Variants in PACSIN2 observed in about 807,000 individuals in gnomAD.
PACSIN2 encodes protein kinase C and casein kinase substrate in neurons 2.
In PACSIN2, 25 loss-of-function variants were observed where a neutral mutation model predicts 63.8. That is an observed-to-expected ratio of 0.39 (90% CI 0.29 to 0.55). The LOEUF (loss-of-function observed/expected upper bound fraction) is 0.55. Ranked by LOEUF, PACSIN2 falls within the 20% of genes least tolerant of loss-of-function variation. The pLI is 0.62. For missense variants in PACSIN2, 518 were observed against 646.9 expected (o/e 0.80, Z 2.16); for synonymous variants, 255 against 256.2 (o/e 1.00, Z 0.05).
At chr22:42,910,858 A>G (rs1169209669) in intron 2 of PACSIN2, among the ~76,000 whole-genome samples, 1 of 151,680 alleles carries the variant, frequency 6.6e-6, no homozygotes, top group African/African-American at 2.4e-5. Context: ...GCAGGAACTC[A>G]GTCTGTCACA....
At chr22:42,999,399 G>C (rs1446606651) in intron 1 of PACSIN2, among the ~76,000 whole-genome samples, 2 of 152,230 alleles carry the variant, frequency 1.3e-5, no homozygotes, top group Non-Finnish European at 2.9e-5. Flanking sequence ...GCCAGGCGTG[G>C]TGGCTCATGC....
chr22:42,987,496 A>ACACG (rs1569355141), intron 1 of PACSIN2, among the ~76,000 whole-genome samples: 5 of 35,294 alleles, frequency 1.4e-4, no homozygotes, highest in African/African-American at 7.5e-4. Flanking sequence ...ACACACACCC[A>ACACG]TGGCACCATG....
At chr22:42,989,254 T>C (rs1216761576) in intron 1 of PACSIN2, among the ~76,000 whole-genome samples, 1 of 152,040 alleles carries the variant, frequency 6.6e-6, no homozygotes, top group African/African-American at 2.4e-5. Context: ...ACCCAGCACT[T>C]TGGGAGGCGA....
At chr22:42,931,390 A>G (rs1932774452) in intron 1 of PACSIN2, among the ~76,000 whole-genome samples, 1 of 152,226 alleles carries the variant, frequency 6.6e-6, no homozygotes, top group South Asian at 2.1e-4. Flanking sequence ...CAGGGAAGTG[A>G]GGAAATGGCT....
intron 7 of PACSIN2, among the ~76,000 whole-genome samples, chr22:42,880,024 A>C (rs4820492): frequency 0.43 from 65,880 of 152,028 alleles, 14,823 homozygotes; most frequent in Non-Finnish European, 0.48. Flanking sequence ...ATGAATGGAG[A>C]CTGTGTCTTG....
chr22:42,929,274 G>A lies in PACSIN2; in HGVS notation c.-77-17117C>T, dbSNP rs183760904. 5.3e-5 allele frequency among the ~76,000 whole-genome samples: 8 copies of A among 152,370 alleles called. No individual in the cohort carries two copies. The East Asian group carries it at 1.5e-3, about 29-fold the overall frequency. ...CCACATCACATAAATTACTTACAAT[G>A]TTGGTAACACAAGGTCTCATCTATG... On this transcript the variant is annotated intron_variant, in intron 1 of 10. Coordinates refer to ENST00000263246, the MANE Select transcript of PACSIN2 (RefSeq NM_001184970.3).
chr22:42,925,251 T>C (rs573818436), intron 1 of PACSIN2, among the ~76,000 whole-genome samples: 82 of 152,062 alleles, frequency 5.4e-4, no homozygotes, highest in South Asian at 5.2e-3. Context: ...CGGCCGAGGC[T>C]GGCGGATCAC....
intron 2 of PACSIN2, among the ~76,000 whole-genome samples, chr22:42,896,558 G>A (rs903964667): frequency 3.3e-5 from 5 of 152,194 alleles, no homozygotes; most frequent in Non-Finnish European, 7.3e-5. Flanking sequence ...GTCATTTTCA[G>A]TTTGGGGGAA....
intron 2 of PACSIN2, among the ~76,000 whole-genome samples, chr22:42,903,538 C>T (rs886615354): frequency 3.9e-5 from 6 of 152,156 alleles, no homozygotes; most frequent in East Asian, 1.9e-4. Flanking sequence ...GGATTCCACT[C>T]GTCCTGGTCC....
chr22:42,916,183 C>G (rs953429688), intron 1 of PACSIN2, among the ~76,000 whole-genome samples: 4 of 152,136 alleles, frequency 2.6e-5, no homozygotes, highest in Admixed American at 2.0e-4. Context: ...GGTCACAGGC[C>G]GTGGCACGGC....
rs186192449 is a variant in PACSIN2, at chr22:42,888,496, G to C, written c.609+147C>G. The C allele has an allele frequency of 3.0e-5, 22 of 736,524 alleles. No individual in the cohort carries two copies. In the East Asian group the frequency reaches 6.0e-4, roughly 20 times the overall value. 45.6% of individuals were successfully genotyped at this position (736,524 alleles called of 1,614,324 possible). On this transcript the variant is annotated intron_variant, in intron 5 of 10. Transcript: ENST00000263246. ...GCGAGGTGCTAGGGCACTCACCTGT[G>C]GCCTTCTTGAGGACAGGGGTGTGTT...
At chr22:42,913,480 CAAAAAAAAAAAAA>C (rs138842796) in intron 1 of PACSIN2, among the ~76,000 whole-genome samples, 2 of 93,152 alleles carry the variant, frequency 2.1e-5, no homozygotes, top group African/African-American at 7.9e-5. Flanking sequence ...ACTCCGTCTC[CAAAAAAAAAAAAA>C]AAAAAAAAAA....
chr22:42,881,770 C>T (rs1216496403), intron 7 of PACSIN2, among the ~76,000 whole-genome samples: 5 of 152,110 alleles, frequency 3.3e-5, no homozygotes, highest in Non-Finnish European at 7.4e-5. Flanking sequence ...GAGGGCTGCC[C>T]ACTGAGACCA....
chr22:42,879,475 C>T (rs1369005891), intron 7 of PACSIN2, among the ~76,000 whole-genome samples: 25 of 152,184 alleles, frequency 1.6e-4, no homozygotes, highest in Admixed American at 1.6e-3. Context: ...GCGGGGGTGG[C>T]GAGGACCAGG....
chr22:42,969,400 T>C (rs1334923410), intron 1 of PACSIN2, among the ~76,000 whole-genome samples: 2 of 152,208 alleles, frequency 1.3e-5, no homozygotes, highest in East Asian at 3.8e-4. Context: ...CCCTGAAAGA[T>C]GTTAAGGAAT....
chr22:42,926,534 CGA>C (rs1932545735), intron 1 of PACSIN2, among the ~76,000 whole-genome samples: 2 of 152,132 alleles, frequency 1.3e-5, no homozygotes, highest in African/African-American at 4.8e-5. Flanking sequence ...AGGAACTCCA[CGA>C]GGACACAGAA....
At chr22:42,973,871 G>A (rs1418778157) in intron 1 of PACSIN2, among the ~76,000 whole-genome samples, 2 of 152,258 alleles carry the variant, frequency 1.3e-5, no homozygotes, top group African/African-American at 4.8e-5. Context: ...AAAAGCCCAC[G>A]AGAGAAATGG....
intron 1 of PACSIN2, among the ~76,000 whole-genome samples, chr22:42,995,031 G>C (rs1297966202): frequency 6.6e-6 from 1 of 152,160 alleles, no homozygotes; most frequent in East Asian, 1.9e-4. Flanking sequence ...TCCCTCTCAG[G>C]ACCCTGCTTC....
chr22:42,911,356 G>A (rs1252980112), intron 2 of PACSIN2, among the ~76,000 whole-genome samples: 2 of 149,644 alleles, frequency 1.3e-5, no homozygotes, highest in East Asian at 2.0e-4. Context: ...GCTTCAGTGA[G>A]CCATGATGGT....
Sources: gnomAD v4.1 joint callset for allele counts (sites outside exome capture counted in the v4.1 genomes callset) on GRCh38, gnomAD v4.1.1 for gene constraint, MANE v1.5 for transcripts, NCBI Gene and HGNC (gene_info 2026-07-23, HGNC 2026-07-21) for gene names.